ARB2A: variants seen among roughly 807,000 people sequenced by gnomAD.
The protein encoded by ARB2A is cotranscriptional regulator ARB2A.
chr5:94,096,203 T>A, the ARB2A span, among the ~76,000 whole-genome samples: 1 of 152,228 alleles, frequency 6.6e-6, no homozygotes, highest in Non-Finnish European at 1.5e-5. Flanking sequence ...GAGCATCTAA[T>A]CTAACCATCA....
chr5:94,087,223 T>C, the ARB2A span, among the ~76,000 whole-genome samples: 1 of 151,960 alleles, frequency 6.6e-6, no homozygotes, highest in African/African-American at 2.4e-5. Flanking sequence ...ACAATATGTG[T>C]TTTAAGCTAA....
chr5:93,816,967 A>C, the ARB2A span, among the ~76,000 whole-genome samples: 2 of 152,086 alleles, frequency 1.3e-5, no homozygotes, highest in African/African-American at 4.8e-5. Context: ...TTGGCAAAAA[A>C]ACAAAAATAT....
At chr5:94,040,775 G>A in the ARB2A span, among the ~76,000 whole-genome samples, 1 of 152,108 alleles carries the variant, frequency 6.6e-6, no homozygotes, top group African/African-American at 2.4e-5. Context: ...ATCTTGCCCA[G>A]AGATCACAAG....
At chr5:93,940,214 C>T in the ARB2A span, among the ~76,000 whole-genome samples, 1 of 151,952 alleles carries the variant, frequency 6.6e-6, no homozygotes, top group Non-Finnish European at 1.5e-5. Context: ...CTGGTAATAG[C>T]GTATTCATTT....
the ARB2A span, among the ~76,000 whole-genome samples, chr5:93,999,675 C>A: frequency 6.6e-6 from 1 of 151,944 alleles, no homozygotes; most frequent in Non-Finnish European, 1.5e-5. Flanking sequence ...ATTGAGACAT[C>A]ATAATCACCC....
the ARB2A span, among the ~76,000 whole-genome samples, chr5:93,656,768 G>A: frequency 6.6e-6 from 1 of 151,912 alleles, no homozygotes; most frequent in Non-Finnish European, 1.5e-5. Flanking sequence ...TTTAAAATTT[G>A]TTCAGGATGT....
At chr5:93,712,453 G>C in the ARB2A span, among the ~76,000 whole-genome samples, 76 of 152,162 alleles carry the variant, frequency 5.0e-4, no homozygotes, top group African/African-American at 1.7e-3. Flanking sequence ...GTTGCAGCCA[G>C]TACAGTAAGG....
At chr5:93,927,880 C>T in the ARB2A span, among the ~76,000 whole-genome samples, 2 of 152,076 alleles carry the variant, frequency 1.3e-5, no homozygotes, top group African/African-American at 4.8e-5. Flanking sequence ...AGACAGATTA[C>T]TGATATCCAA....
chr5:93,845,343 A>G, the ARB2A span, among the ~76,000 whole-genome samples: 1 of 152,190 alleles, frequency 6.6e-6, no homozygotes, highest in African/African-American at 2.4e-5. Context: ...TAAGATTTGA[A>G]TCTTTGGAGC....
At chr5:93,666,280 T>C in the ARB2A span, among the ~76,000 whole-genome samples, 3 of 152,194 alleles carry the variant, frequency 2.0e-5, no homozygotes, top group Non-Finnish European at 4.4e-5. Context: ...ACACAGTTAT[T>C]TCACATGAAT....
At chr5:93,846,000 GACACACACACACACACACACAC>G in the ARB2A span, among the ~76,000 whole-genome samples, 2 of 146,668 alleles carry the variant, frequency 1.4e-5, no homozygotes, top group Admixed American at 6.8e-5. Context: ...CTCTCTCTGT[GACACACACACACACACACACAC>G]ACACACACAC....
the ARB2A span, among the ~76,000 whole-genome samples, chr5:93,858,695 A>C: frequency 2.0e-5 from 3 of 152,242 alleles, no homozygotes; most frequent in African/African-American, 7.2e-5. Context: ...AAGTGACAGC[A>C]TAAAAAGATT....
chr5:93,873,899 C>T, the ARB2A span, among the ~76,000 whole-genome samples: 1 of 152,158 alleles, frequency 6.6e-6, no homozygotes. Flanking sequence ...CTCTTCAGGG[C>T]ATCTTCCAAA....
At chr5:94,024,057 A>C in the ARB2A span, among the ~76,000 whole-genome samples, 1 of 152,352 alleles carries the variant, frequency 6.6e-6, no homozygotes, top group African/African-American at 2.4e-5. Context: ...GTGAGGTCTT[A>C]TGGCATACTC....
the ARB2A span, among the ~76,000 whole-genome samples, chr5:93,929,397 C>T: frequency 6.6e-6 from 1 of 152,088 alleles, no homozygotes; most frequent in South Asian, 2.1e-4. Context: ...GGCTACTTGC[C>T]TATAATTTTA....
At chr5:93,679,820 C>T in the ARB2A span, among the ~76,000 whole-genome samples, 6 of 152,040 alleles carry the variant, frequency 3.9e-5, no homozygotes, top group African/African-American at 9.7e-5. Context: ...TTCCTGATTA[C>T]GTATTTAACT....
the ARB2A span, among the ~76,000 whole-genome samples, chr5:93,963,100 C>A: frequency 6.6e-6 from 1 of 151,924 alleles, no homozygotes. Flanking sequence ...AAATATCATT[C>A]TTCAGAAACT....
the ARB2A span, among the ~76,000 whole-genome samples, chr5:93,897,951 C>T: frequency 6.6e-6 from 1 of 151,886 alleles, no homozygotes; most frequent in Admixed American, 6.6e-5. Flanking sequence ...CCATCTCTTC[C>T]CCATTTCTTA....
the ARB2A span, among the ~76,000 whole-genome samples, chr5:93,893,273 C>CA: frequency 1.3e-5 from 2 of 152,148 alleles, no homozygotes; most frequent in African/African-American, 4.8e-5. Flanking sequence ...GGCCTCCTCA[C>CA]AGGCTTTATG....
Sources: allele counts gnomAD v4.1 joint callset (sites outside exome capture counted in the v4.1 genomes callset), GRCh38; gene constraint gnomAD v4.1.1; transcripts MANE v1.5; gene names NCBI Gene and HGNC (gene_info 2026-07-23, HGNC 2026-07-21).